EHD4: variants seen among roughly 807,000 people sequenced by gnomAD.
The protein encoded by EHD4 is EH domain-containing protein 4.
Under a neutral mutation model 51.0 loss-of-function variants are expected in EHD4, and 37 were observed. That is an observed-to-expected ratio of 0.73 (90% CI 0.56 to 0.95). The LOEUF is 0.95. EHD4 is among the 40% of genes least tolerant of loss of function. EHD4 has a pLI of 0.00. For missense variants in EHD4, 632 were observed against 733.1 expected, an observed-to-expected ratio of 0.86 and a Z score of 1.59; for synonymous variants, 297 against 317.3, an observed-to-expected ratio of 0.94 and a Z score of 0.68.
chr15:41,907,256 T>C (rs1273800543), intron 5 of EHD4, among the ~76,000 whole-genome samples: 1 of 152,250 alleles, frequency 6.6e-6, no homozygotes, highest in Non-Finnish European at 1.5e-5. Flanking sequence ...TCTGTATTTC[T>C]TTATAACTTT....
chr15:41,966,183 G>A (rs748064768), intron 1 of EHD4, among the ~76,000 whole-genome samples: 4 of 152,080 alleles, frequency 2.6e-5, no homozygotes, highest in Middle Eastern at 3.4e-3. Flanking sequence ...TAGCTGCTGA[G>A]AATTTGACGC....
At position 41,897,999 on chromosome 15, in the gene EHD4, A is replaced by T. The variant is rs954448393; in HGVS notation, c.*2646T>A. 12 of 152,256 alleles carry T rather than the reference A, an allele frequency of 7.9e-5. No individual in the cohort carries two copies. Among genetic ancestry groups the T allele is most frequent in the African/African-American group, 2.9e-4 (12 of 41,460 alleles). The allele number at this position is 152,256 out of a possible 1,614,324, so 9.4% of individuals were successfully genotyped here. A position where few individuals can be genotyped will look rare whatever the true frequency, so the allele number is the denominator to read the frequency against. ...CAGCTGGTGGTGTGGACACATTCAC[A>T]GAACTTTGTACTGGTCCTGGGAAGA... is the stretch of plus-strand genomic sequence containing the variant. On this transcript the variant is annotated 3_prime_UTR_variant, in exon 6 of 6. Transcript: ENST00000220325.
intron 4 of EHD4, among the ~76,000 whole-genome samples, chr15:41,918,329 A>T (rs1045136946): frequency 6.6e-6 from 1 of 152,106 alleles, no homozygotes; most frequent in Non-Finnish European, 1.5e-5. Context: ...AGGGCCTGGG[A>T]ATGTATGTTG....
Position 41,920,591 on chromosome 15 carries a change from A to G in EHD4, c.512-969T>C, listed in dbSNP as rs570132016. ...TTTTGAAAACTTTCAAACATACATA[A>G]ACATCTGTAAGTCATATAATGAATG... On this transcript the variant is annotated intron_variant, in intron 3 of 5. Coordinates refer to ENST00000220325, the MANE Select transcript of EHD4 (RefSeq NM_139265.4). Among the ~76,000 whole-genome samples, 31 of 152,334 alleles carry G rather than the reference A, an allele frequency of 2.0e-4. 1 individual carries two copies. The highest frequency in any genetic ancestry group is 7.2e-4 in the African/African-American group (30 of 41,570).
intron 1 of EHD4, among the ~76,000 whole-genome samples, chr15:41,971,063 T>G (rs1254096946): frequency 6.6e-6 from 1 of 152,266 alleles, no homozygotes; most frequent in African/African-American, 2.4e-5. Context: ...AGAACGACAT[T>G]TCAATACACA....
At chr15:41,941,529 T>C (rs1040994802) in intron 3 of EHD4, 13 of 152,034 alleles carry the variant, frequency 8.6e-5, no homozygotes, top group African/African-American at 3.1e-4. Context: ...ACTTTTATAA[T>C]AGAAAATAAA....
intron 1 of EHD4, among the ~76,000 whole-genome samples, chr15:41,958,812 T>G (rs1283827307): frequency 1.3e-5 from 2 of 152,140 alleles, no homozygotes; most frequent in Admixed American, 1.3e-4. Context: ...CCTAACTACC[T>G]TATGGGCAGG....
rs10522331 is a variant in EHD4, at chr15:41,907,824, CTGTGTGTGTG to C, written c.1089+1865_1089+1874del. Among the ~76,000 whole-genome samples the C allele has an allele frequency of 1.1e-3, 150 of 132,124 alleles. 1 individual carries two copies. The highest frequency in any genetic ancestry group is 3.4e-3 in the African/African-American group (118 of 34,918). 86.7% of individuals were successfully genotyped at this position (132,124 alleles called of 152,430 possible). ...AGGTGTGAGCCACTGCGCCCAGGCT[CTGTGTGTGTG>C]TGTGTGTGTGTGTGTGTGTGTGTGT... On this transcript the variant is annotated intron_variant, in intron 5 of 5. Transcript: ENST00000220325.
chr15:41,970,741 T>C (rs544426332), intron 1 of EHD4, among the ~76,000 whole-genome samples: 2 of 152,318 alleles, frequency 1.3e-5, no homozygotes, highest in East Asian at 3.9e-4. Flanking sequence ...GCCTAGGGTG[T>C]GGGGACATGC....
At chr15:41,903,957 C>A (rs372806072) in intron 5 of EHD4, among the ~76,000 whole-genome samples, 2 of 151,278 alleles carry the variant, frequency 1.3e-5, no homozygotes, top group Non-Finnish European at 3.0e-5. Context: ...CCAAACAATG[C>A]GGCCTGCACT....
intron 1 of EHD4, among the ~76,000 whole-genome samples, chr15:41,963,044 G>A (rs2067936386): frequency 6.6e-6 from 1 of 152,094 alleles, no homozygotes; most frequent in Middle Eastern, 3.2e-3. Flanking sequence ...AGGGTTAAAT[G>A]GATTAAGGGC....
intron 2 of EHD4, among the ~76,000 whole-genome samples, chr15:41,944,125 G>A (rs1008103612): frequency 4.6e-5 from 7 of 152,200 alleles, no homozygotes; most frequent in Non-Finnish European, 5.9e-5. Context: ...TCTGCCCAGC[G>A]TTTCCTGATA....
At chr15:41,907,824 CTGTGTGTGTGTGTGTGTGTG>C (rs10522331) in intron 5 of EHD4, among the ~76,000 whole-genome samples, 10,939 of 132,086 alleles carry the variant, frequency 0.083, 574 homozygotes, top group East Asian at 0.26. Context: ...CGCCCAGGCT[CTGTGTGTGTGTGTGTGTGTG>C]TGTGTGTGTG....
chr15:41,951,671 G>A (rs1234078130), intron 2 of EHD4, among the ~76,000 whole-genome samples: 1 of 152,116 alleles, frequency 6.6e-6, no homozygotes, highest in Non-Finnish European at 1.5e-5. Flanking sequence ...AGGACCCCAG[G>A]GAAGCCTTCC....
Position 41,898,885 on chromosome 15 carries a change from A to C in EHD4, c.*1760T>G, listed in dbSNP as rs2067457421. ...TAAATGGTTCTTTTCTATGCGTCTAATGAATTTAAGTGCTTGTTAAGACTA... is the reference window on the plus strand; with the variant it reads ...TAAATGGTTCTTTTCTATGCGTCTACTGAATTTAAGTGCTTGTTAAGACTA... On this transcript the variant is annotated 3_prime_UTR_variant, in exon 6 of 6. Transcript: ENST00000220325. 6.6e-6 allele frequency: 1 copy of C among 152,204 alleles called. No individual in the cohort carries two copies. The highest frequency in any genetic ancestry group is 2.1e-4 in the South Asian group (1 of 4,830). 9.4% of individuals were successfully genotyped at this position (152,204 alleles called of 1,614,324 possible).
intron 4 of EHD4, among the ~76,000 whole-genome samples, chr15:41,911,952 T>G (rs1373077786): frequency 6.6e-6 from 1 of 152,088 alleles, no homozygotes; most frequent in Non-Finnish European, 1.5e-5. Flanking sequence ...CCCCCCGAGG[T>G]TGGGCACACT....
At chr15:41,941,768 T>C (rs1219776790) in intron 3 of EHD4, 1 of 152,124 alleles carries the variant, frequency 6.6e-6, no homozygotes, top group African/African-American at 2.4e-5. Context: ...AGAGATGGCA[T>C]TCCCAAAATG....
At chr15:41,912,797 C>T (rs2067559165) in intron 4 of EHD4, among the ~76,000 whole-genome samples, 1 of 152,158 alleles carries the variant, frequency 6.6e-6, no homozygotes, top group South Asian at 2.1e-4. Flanking sequence ...ACTTTAATTC[C>T]TGGTTCCAGG....
Position 41,898,145 on chromosome 15 carries a change from T to C in EHD4, c.*2500A>G, listed in dbSNP as rs1243555226. On this transcript the variant is annotated 3_prime_UTR_variant, in exon 6 of 6. Coordinates refer to ENST00000220325, the MANE Select transcript of EHD4 (RefSeq NM_139265.4). ...AAGAAAAGTGGCCAAATGATTTCCT[T>C]TTTTTTTCCTTTCTCTCCAAGAACA... 6.6e-6 allele frequency: 1 copy of C among 152,100 alleles called. No individual in the cohort carries two copies. Among genetic ancestry groups the C allele is most frequent in the Non-Finnish European group, 1.5e-5 (1 of 68,010 alleles). 9.4% of individuals were successfully genotyped at this position (152,100 alleles called of 1,614,324 possible).
Sources: gnomAD v4.1 joint callset for allele counts (sites outside exome capture counted in the v4.1 genomes callset) on GRCh38, gnomAD v4.1.1 for gene constraint, MANE v1.5 for transcripts, NCBI Gene and HGNC (gene_info 2026-07-23, HGNC 2026-07-21) for gene names.